The following ZNF681 variants were observed in gnomAD, a reference collection of about 807,000 sequenced individuals.
The protein encoded by ZNF681 is hypothetical protein FLJ31526.
ZNF681 carries 37 observed loss-of-function variants against 56.0 expected under a neutral mutation model. The observed-to-expected ratio is 0.66, with a 90% CI of 0.51 to 0.87. ZNF681 has a LOEUF of 0.87. Ranked by LOEUF, ZNF681 falls within the 40% of genes least tolerant of loss-of-function variation. The pLI is 0.00. For missense variants in ZNF681, 741 were observed against 744.9 expected, an observed-to-expected ratio of 0.99 and a Z score of 0.06; for synonymous variants, 225 against 248.6, an observed-to-expected ratio of 0.91 and a Z score of 0.89.
chr19:23,751,068 G>A (rs977258161), intron 3 of ZNF681, among the ~76,000 whole-genome samples: 1 of 143,330 alleles, frequency 7.0e-6, no homozygotes, highest in Non-Finnish European at 1.5e-5. Flanking sequence ...GGTGGAGGTT[G>A]CAGTGAGCCA....
intron 3 of ZNF681, among the ~76,000 whole-genome samples, chr19:23,753,487 A>G (rs1030066735): frequency 2.6e-5 from 4 of 152,424 alleles, no homozygotes; most frequent in South Asian, 2.1e-4. Context: ...AATGAAAGAT[A>G]TATCAATGAG....
chr19:23,756,993 C>A (rs1969131063), intron 1 of ZNF681, among the ~76,000 whole-genome samples: 1 of 151,948 alleles, frequency 6.6e-6, no homozygotes, highest in Non-Finnish European at 1.5e-5. Context: ...ACCTCAGCCT[C>A]CAGAGTAGCT....
chr19:23,749,595 C>T (rs898651699), intron 3 of ZNF681, among the ~76,000 whole-genome samples: 4 of 149,454 alleles, frequency 2.7e-5, no homozygotes, highest in African/African-American at 9.9e-5. Flanking sequence ...GTGCACACAA[C>T]CATGCCTGGG....
rs1463336164 is a variant in ZNF681 at position 23,758,644 on chromosome 19, CGAG to C, written c.3+100_3+102del. 53 of 1,575,334 alleles carry C rather than the reference CGAG, an allele frequency of 3.4e-5. No individual in the cohort carries two copies. In the East Asian group the frequency reaches 6.0e-4, roughly 18 times the overall value. ...TCCAAGTGGACTGAGGCCGCCTGGG[CGAG>C]GAGAACTCAGGGCGCAAATTGTGGA... On this transcript the variant is annotated intron_variant, in intron 1 of 3. Transcript: ENST00000402377.
At chr19:23,752,442 A>C (rs1159519519) in intron 3 of ZNF681, among the ~76,000 whole-genome samples, 1 of 152,204 alleles carries the variant, frequency 6.6e-6, no homozygotes, top group Non-Finnish European at 1.5e-5. Context: ...AAGCCCACTG[A>C]GTGACCTGGA....
rs1041169831 is a variant in ZNF681, at chr19:23,743,536, T to A, written c.*76A>T. ...TGCCACATTCTTCACACTTGTAGGT[T>A]TTTTTTTAGTATGAATTATCTTATG... is the stretch of plus-strand genomic sequence containing the variant. On this transcript the variant is annotated 3_prime_UTR_variant, in exon 4 of 4. Transcript: ENST00000402377. The A allele has an allele frequency of 7.5e-7, 1 of 1,328,986 alleles. No individual in the cohort carries two copies. Among genetic ancestry groups the A allele is most frequent in the African/African-American group, 1.5e-5 (1 of 66,482 alleles). 82.3% of individuals were successfully genotyped at this position (1,328,986 alleles called of 1,614,324 possible).
rs1189036547 is a variant in ZNF681 at position 23,740,058 on chromosome 19, G to C, written c.*3554C>G. 1 of 152,082 alleles carries C rather than the reference G, an allele frequency of 6.6e-6. No individual in the cohort carries two copies. Among genetic ancestry groups the C allele is most frequent in the African/African-American group, 2.4e-5 (1 of 41,432 alleles). The allele number at this position is 152,082 out of a possible 1,614,324, so 9.4% of individuals were successfully genotyped here. ...ATATTTTCAAGCAAATTTTATATTT[G>C]CCACACTTTGTGTAAGAATTTAATA... On this transcript the variant is annotated 3_prime_UTR_variant, in exon 4 of 4. Coordinates refer to ENST00000402377, the MANE Select transcript of ZNF681 (RefSeq NM_138286.3).
intron 2 of ZNF681, 110 bp from the exon 3 acceptor site, chr19:23,755,028 C>G: frequency 1.4e-6 from 1 of 719,708 alleles, no homozygotes; most frequent in African/African-American, 1.8e-5. Context: ...AAATCAATCC[C>G]AAAATACTGA....
At chr19:23,758,278 G>A (rs1969153837) in intron 1 of ZNF681, among the ~76,000 whole-genome samples, 1 of 152,208 alleles carries the variant, frequency 6.6e-6, no homozygotes, top group Non-Finnish European at 1.5e-5. Context: ...GGTGGCAAAT[G>A]TCTGTAATTA....
chr19:23,758,696 C>T (rs1033631373), intron 1 of ZNF681, 51 bp downstream of exon 1: 25 of 1,613,992 alleles, frequency 1.5e-5, no homozygotes, highest in Non-Finnish European at 1.9e-5. Context: ...AGGTCTGAGT[C>T]CCGCCACAGC....
In ZNF681 at chr19:23,743,716, G is replaced by T. The variant is rs759922476; in HGVS notation, c.1834C>A (p.His612Asn). The T allele has an allele frequency of 3.1e-6, 5 of 1,612,268 alleles. No homozygotes were observed. Among genetic ancestry groups the T allele is most frequent in the East Asian group, 2.2e-5 (1 of 44,838 alleles). ...GGTTTGTAGAGTTTCTCACCAGTAT[G>T]AATTTTCTTATGTCCAGTAAGGTTT... The part of the protein sequence containing the change: ...SSNLTGHKKI[H>N]TGEKLYKPKR... Residue 612 changes from histidine (H) to asparagine (N), a missense_variant, in exon 4 of 4, where the codon CAT becomes AAT. Transcript: ENST00000402377.
At chr19:23,749,989 GAAA>G (rs1009941373) in intron 3 of ZNF681, among the ~76,000 whole-genome samples, 1 of 137,622 alleles carries the variant, frequency 7.3e-6, no homozygotes, top group African/African-American at 2.7e-5. Flanking sequence ...AATCAACTAA[GAAA>G]AAAAAAAAAG....
At chr19:23,757,924 T>G (rs1341940450) in intron 1 of ZNF681, among the ~76,000 whole-genome samples, 2 of 152,206 alleles carry the variant, frequency 1.3e-5, no homozygotes, top group Non-Finnish European at 1.5e-5. Context: ...ATCAATTATA[T>G]GACATATACT....
In ZNF681 at chr19:23,745,037, T is replaced by C; in HGVS notation, c.513A>G (p.Lys171=). 6.3e-7 allele frequency: 1 copy of C among 1,592,586 alleles called. No homozygotes were observed. ...AAAATGATTTGCCAAATTCTTTATA[T>C]TTAAAAGGTTTTTTTCTGGTGTGTC... is the stretch of plus-strand genomic sequence containing the variant. ...KVRHTRKKPF[K]YKEFGKSFCI... Residue 171 remains lysine (K), a synonymous_variant, in exon 4 of 4, where the codon AAA becomes AAG. Coordinates refer to ENST00000402377, the MANE Select transcript of ZNF681 (RefSeq NM_138286.3).
intron 3 of ZNF681, among the ~76,000 whole-genome samples, chr19:23,753,827 A>C (rs1376974806): frequency 7.2e-6 from 1 of 138,020 alleles, no homozygotes; most frequent in Non-Finnish European, 1.5e-5. Context: ...GTGCCACTGC[A>C]CTTCAGCCTG....
At chr19:23,745,390 C>T (rs1968930499) in intron 3 of ZNF681, 67 bp from the exon 4 acceptor site, 2 of 1,265,986 alleles carry the variant, frequency 1.6e-6, no homozygotes, top group Non-Finnish European at 2.1e-6. Context: ...ACAAATCCAA[C>T]CTATACAATT....
At chr19:23,749,675 T>C (rs1968995831) in intron 3 of ZNF681, among the ~76,000 whole-genome samples, 1 of 151,980 alleles carries the variant, frequency 6.6e-6, no homozygotes, top group South Asian at 2.1e-4. Flanking sequence ...CTCAAACTTT[T>C]GGGATCAAGC....
chr19:23,751,021 C>T (rs1388534835), intron 3 of ZNF681, among the ~76,000 whole-genome samples: 63 of 70,526 alleles, frequency 8.9e-4, no homozygotes, highest in Admixed American at 1.9e-4. Flanking sequence ...CTCTGCTACT[C>T]GGGAGGCTGA....
At chr19:23,753,550 GAAAGAAT>G in intron 3 of ZNF681, among the ~76,000 whole-genome samples, 1 of 152,302 alleles carries the variant, frequency 6.6e-6, no homozygotes, top group African/African-American at 2.4e-5. Context: ...TCTATAGATT[GAAAGAAT>G]AAATACTGTT....
Sources: allele counts gnomAD v4.1 joint callset (sites outside exome capture counted in the v4.1 genomes callset), GRCh38; gene constraint gnomAD v4.1.1; transcripts MANE v1.5; gene names NCBI Gene and HGNC (gene_info 2026-07-23, HGNC 2026-07-21).